The following LNPEP variants were observed in gnomAD, a reference collection of about 807,000 sequenced individuals.
LNPEP encodes the protein leucyl-cystinyl aminopeptidase.
A neutral mutation model predicts 120.6 loss-of-function variants in LNPEP; 64 were observed. The ratio of observed to expected loss-of-function variants is 0.53; its 90% CI spans 0.43 to 0.65. The LOEUF (loss-of-function observed/expected upper bound fraction) is 0.65. LNPEP is among the 30% of genes least tolerant of loss of function. LNPEP has a pLI of 0.00. For synonymous variants in LNPEP, 435 were observed against 425.4 expected (o/e 1.02, Z -0.28); for missense variants, 1,057 against 1,200.0 (o/e 0.88, Z 1.76).
At chr5:97,003,387 T>C in intron 8 of LNPEP, 28 bp from the exon 9 acceptor site, 2 of 1,294,514 alleles carry the variant, frequency 1.5e-6, no homozygotes, top group Non-Finnish European at 2.1e-6. Context: ...TTATTTTCTT[T>C]CTTTTTCCTC....
Position 96,957,339 on chromosome 5 carries a change from C to T in LNPEP, c.19+21165C>T, listed in dbSNP as rs180932348. Among the ~76,000 whole-genome samples, 61 of 152,300 alleles carry T rather than the reference C, an allele frequency of 4.0e-4. No homozygotes were observed. The East Asian group carries it at 0.01, about 26-fold the overall frequency. On this transcript the variant is annotated intron_variant, in intron 1 of 17. Transcript: ENST00000231368. ...GTGGCTCCAATGTTAGTTTAGTTCT[C>T]CTAGCCTTTGTATGGTAGGCAGAAT...
rs1349232033 is a variant in LNPEP at position 96,996,385 on chromosome 5, C to T, written c.1408-5C>T. The T allele has an allele frequency of 1.3e-6, 2 of 1,549,498 alleles. No individual in the cohort carries two copies. The highest frequency in any genetic ancestry group is 1.4e-5 in the African/African-American group (1 of 73,606). On this transcript the variant is annotated splice_region_variant and splice_polypyrimidine_tract_variant and intron_variant, in intron 6 of 17. Coordinates refer to ENST00000231368, the MANE Select transcript of LNPEP (RefSeq NM_005575.3). ...CTGTGGGTTAATTGTTTTCTCTCCCCCCAGTGGTTTGGCAATCTGGTAACA... is the reference window on the plus strand; with the variant it reads ...CTGTGGGTTAATTGTTTTCTCTCCCTCCAGTGGTTTGGCAATCTGGTAACA...
chr5:96,951,557 G>A (rs138643468), intron 1 of LNPEP, among the ~76,000 whole-genome samples: 1,834 of 151,972 alleles, frequency 0.012, 41 homozygotes, highest in Admixed American at 0.056. Context: ...CGCACCTGGC[G>A]GGGGGTTAGT....
At chr5:96,967,315 T>A (rs2194245) in intron 1 of LNPEP, among the ~76,000 whole-genome samples, 140,894 of 151,610 alleles carry the variant, frequency 0.93, 65,555 homozygotes, top group African/African-American at 0.97. Flanking sequence ...TATTATTATT[T>A]TTTTTTTTTG....
chr5:96,971,555 C>G (rs1409674630), intron 1 of LNPEP, among the ~76,000 whole-genome samples: 1 of 151,986 alleles, frequency 6.6e-6, no homozygotes, highest in Non-Finnish European at 1.5e-5. Context: ...TACTGTCCCC[C>G]AGATCCCTGA....
rs2112685704 is a variant in LNPEP at position 97,034,897 on chromosome 5, G to A, written c.*6364G>A. 1 of 151,840 alleles carries A rather than the reference G, an allele frequency of 6.6e-6. No homozygotes were observed. The highest frequency in any genetic ancestry group is 6.6e-5 in the Admixed American group (1 of 15,248). The allele number at this position is 151,840 out of a possible 1,614,324, so 9.4% of individuals were successfully genotyped here. A position where few individuals can be genotyped will look rare whatever the true frequency, so the allele number is the denominator to read the frequency against. Reference sequence around the variant, plus strand: ...GGGGCAATGGTAGAATAGATGTTTGGTTTCTTTTGGGGGTGTCTGAGTGTA... The same window carrying A: ...GGGGCAATGGTAGAATAGATGTTTGATTTCTTTTGGGGGTGTCTGAGTGTA... On this transcript the variant is annotated 3_prime_UTR_variant, in exon 18 of 18. Coordinates refer to ENST00000231368, the MANE Select transcript of LNPEP (RefSeq NM_005575.3).
intron 1 of LNPEP, among the ~76,000 whole-genome samples, chr5:96,945,405 C>CAA (rs751074987): frequency 5.2e-4 from 34 of 65,218 alleles, no homozygotes; most frequent in African/African-American, 1.5e-3. Context: ...GACCCTATCT[C>CAA]AAAAAAAAAA....
chr5:96,954,766 A>ATTT (rs1561430227), intron 1 of LNPEP, among the ~76,000 whole-genome samples: 1 of 40,956 alleles, frequency 2.4e-5, no homozygotes, highest in Non-Finnish European at 5.2e-5. Context: ...ATATATATAT[A>ATTT]TATATATTTT....
In LNPEP at chr5:96,974,923, T is replaced by C. The variant is rs183856656; in HGVS notation, c.20-4215T>C. Among the ~76,000 whole-genome samples the C allele has an allele frequency of 3.5e-3, 537 of 152,220 alleles. 4 individuals are homozygous for C. Among genetic ancestry groups the C allele is most frequent in the Middle Eastern group, 3.4e-3 (1 of 294 alleles). ...CTTCTTCCTCTGGCCACCCAGCTCT[T>C]AAATGCTGATCCTCCCTGAGTCTCC... On this transcript the variant is annotated intron_variant, in intron 1 of 17. Coordinates refer to ENST00000231368, the MANE Select transcript of LNPEP (RefSeq NM_005575.3).
intron 11 of LNPEP, chr5:97,010,648 T>C (rs1790903835): frequency 2.0e-6 from 2 of 985,270 alleles, no homozygotes; most frequent in Non-Finnish European, 2.4e-6. Context: ...CAAATGGTTT[T>C]TAAAAATCAC....
chr5:96,964,375 C>G (rs138595649), intron 1 of LNPEP, among the ~76,000 whole-genome samples: 2 of 151,488 alleles, frequency 1.3e-5, no homozygotes, highest in Non-Finnish European at 2.9e-5. Flanking sequence ...AATATAAATA[C>G]CCAACATACC....
chr5:96,988,339 C>CTTTTTTTTTTTT lies in LNPEP; in HGVS notation c.1131+1674_1131+1685dup, dbSNP rs201343272. ...GATCTTTCTTTTTTCTTTTTCTTTT[C>CTTTTTTTTTTTT]TTTTTTTTTTTTTTTTGAGACAGAG... On this transcript the variant is annotated intron_variant, in intron 4 of 17. Coordinates refer to ENST00000231368, the MANE Select transcript of LNPEP (RefSeq NM_005575.3). Among the ~76,000 whole-genome samples, 10 of 125,234 alleles carry CTTTTTTTTTTTT rather than the reference C, an allele frequency of 8.0e-5. 1 individual carries two copies. The highest frequency in any genetic ancestry group is 1.7e-4 in the Admixed American group (2 of 11,550). 82.2% of individuals were successfully genotyped at this position (125,234 alleles called of 152,430 possible).
intron 14 of LNPEP, among the ~76,000 whole-genome samples, chr5:97,023,176 G>A (rs1176307687): frequency 6.6e-6 from 1 of 151,960 alleles, no homozygotes; most frequent in Non-Finnish European, 1.5e-5. Context: ...TTGCTTTTTT[G>A]TGACTGGCTC....
At chr5:97,001,415 A>G (rs1023223974) in intron 8 of LNPEP, among the ~76,000 whole-genome samples, 1 of 152,204 alleles carries the variant, frequency 6.6e-6, no homozygotes, top group African/African-American at 2.4e-5. Flanking sequence ...GGTTTAGGGA[A>G]AGAAGGGGGA....
intron 1 of LNPEP, among the ~76,000 whole-genome samples, chr5:96,947,270 T>G (rs1789207335): frequency 6.6e-6 from 1 of 152,184 alleles, no homozygotes; most frequent in South Asian, 2.1e-4. Context: ...CTATGGAATA[T>G]AAAGATTTTT....
Position 96,986,535 on chromosome 5 carries a change from G to T in LNPEP, c.1000-4G>T. On this transcript the variant is annotated splice_polypyrimidine_tract_variant and splice_region_variant and intron_variant, in intron 3 of 17. Transcript: ENST00000231368. ...CAGAACTGTCTTTTCCCCTTTGCTT[G>T]TAGAAGTCATCAGTCGTTCTAGATG... is the stretch of plus-strand genomic sequence containing the variant. 1 of 1,611,766 alleles carries T rather than the reference G, an allele frequency of 6.2e-7. No individual in the cohort carries two copies. The highest frequency in any genetic ancestry group is 8.5e-7 in the Non-Finnish European group (1 of 1,178,644).
intron 6 of LNPEP, among the ~76,000 whole-genome samples, chr5:96,994,708 G>A (rs965821856): frequency 3.9e-5 from 6 of 152,142 alleles, no homozygotes; most frequent in Admixed American, 2.6e-4. Flanking sequence ...ATATGAATAG[G>A]ATGTATTCTG....
chr5:96,937,891 A>G (rs954486519), intron 1 of LNPEP: 6 of 152,250 alleles, frequency 3.9e-5, no homozygotes, highest in African/African-American at 1.2e-4. Context: ...AAAAGAAGCA[A>G]TGCTTCAACT....
intron 13 of LNPEP, among the ~76,000 whole-genome samples, chr5:97,016,993 A>G (rs1791083415): frequency 6.6e-6 from 1 of 152,160 alleles, no homozygotes; most frequent in African/African-American, 2.4e-5. Flanking sequence ...ATGCATTTCT[A>G]TGGGATATAT....
Sources: allele counts gnomAD v4.1 joint callset (sites outside exome capture counted in the v4.1 genomes callset), GRCh38; gene constraint gnomAD v4.1.1; transcripts MANE v1.5; gene names NCBI Gene and HGNC (gene_info 2026-07-23, HGNC 2026-07-21).